Variants in CORIN observed in about 807,000 individuals in gnomAD.
CORIN encodes the protein atrial natriuretic peptide-converting enzyme.
In CORIN, 117 loss-of-function variants were observed where a neutral mutation model predicts 125.3. The observed-to-expected ratio is 0.93, with a 90% CI of 0.80 to 1.09. CORIN has a LOEUF of 1.09. Ranked by LOEUF, CORIN falls within the 50% of genes least tolerant of loss-of-function variation. The pLI, the probability that CORIN is intolerant of heterozygous loss-of-function variation, is 0.00. For synonymous variants in CORIN, 450 were observed against 466.4 expected, an observed-to-expected ratio of 0.96 and a Z score of 0.45; for missense variants, 1,253 against 1,306.7, an observed-to-expected ratio of 0.96 and a Z score of 0.63.
At chr4:47,726,489 A>G (rs1463300552) in intron 5 of CORIN, among the ~76,000 whole-genome samples, 1 of 152,114 alleles carries the variant, frequency 6.6e-6, no homozygotes, top group Non-Finnish European at 1.5e-5. Context: ...ACATTCTAGA[A>G]AAGCCAAACC....
intron 1 of CORIN, among the ~76,000 whole-genome samples, chr4:47,817,851 A>G (rs575067908): frequency 6.6e-6 from 1 of 152,286 alleles, no homozygotes; most frequent in African/African-American, 2.4e-5. Context: ...TGGATTTGTT[A>G]AACAAATAAT....
At chr4:47,789,915 G>A (rs912244782) in intron 2 of CORIN, among the ~76,000 whole-genome samples, 1 of 152,082 alleles carries the variant, frequency 6.6e-6, no homozygotes, top group Admixed American at 6.5e-5. Flanking sequence ...CCAGCTACTC[G>A]GGAGGCTGAG....
At chr4:47,681,932 T>A (rs780402225) in intron 7 of CORIN, 2 of 152,168 alleles carry the variant, frequency 1.3e-5, no homozygotes, top group Non-Finnish European at 2.9e-5. Context: ...ATATGGTACA[T>A]CTACACAATG....
intron 19 of CORIN, among the ~76,000 whole-genome samples, chr4:47,605,321 T>C (rs970840551): frequency 3.3e-5 from 5 of 152,188 alleles, no homozygotes; most frequent in African/African-American, 1.2e-4. Flanking sequence ...CACTGCTTTA[T>C]TCACAGGGCT....
chr4:47,804,930 A>C (rs1309118614), intron 2 of CORIN, among the ~76,000 whole-genome samples: 1 of 151,682 alleles, frequency 6.6e-6, no homozygotes, highest in Non-Finnish European at 1.5e-5. Context: ...CGGTCAGGAG[A>C]TCGAGACCAT....
chr4:47,766,721 G>T (rs999560760), intron 3 of CORIN, among the ~76,000 whole-genome samples: 3 of 151,968 alleles, frequency 2.0e-5, no homozygotes, highest in African/African-American at 7.3e-5. Context: ...TGAGGTGGGC[G>T]GATCACCTGA....
At chr4:47,781,194 T>C (rs1007995663) in intron 3 of CORIN, among the ~76,000 whole-genome samples, 6 of 152,168 alleles carry the variant, frequency 3.9e-5, no homozygotes, top group African/African-American at 1.2e-4. Flanking sequence ...AGACTCACTT[T>C]AGATTCAAAG....
intron 5 of CORIN, among the ~76,000 whole-genome samples, chr4:47,734,471 T>C (rs1482554610): frequency 6.6e-6 from 1 of 152,210 alleles, no homozygotes; most frequent in Non-Finnish European, 1.5e-5. Flanking sequence ...TCAGGATTCA[T>C]TTATGTAATT....
chr4:47,622,493 A>G (rs1232937425), intron 19 of CORIN, among the ~76,000 whole-genome samples: 3 of 150,672 alleles, frequency 2.0e-5, no homozygotes, highest in South Asian at 2.1e-4. Context: ...CTATTTCTCC[A>G]CATCCTCTCC....
intron 5 of CORIN, among the ~76,000 whole-genome samples, chr4:47,695,428 C>A (rs1053536820): frequency 1.3e-5 from 2 of 152,208 alleles, no homozygotes; most frequent in Non-Finnish European, 2.9e-5. Context: ...AGCTCCTAAC[C>A]TCCAGATTTT....
intron 2 of CORIN, among the ~76,000 whole-genome samples, chr4:47,793,258 C>T (rs1731155100): frequency 1.3e-5 from 2 of 152,108 alleles, no homozygotes; most frequent in African/African-American, 4.8e-5. Flanking sequence ...ATACATCAAT[C>T]CCCGAGCAGA....
At chr4:47,747,570 A>C (rs1413596536) in intron 4 of CORIN, among the ~76,000 whole-genome samples, 1 of 152,134 alleles carries the variant, frequency 6.6e-6, no homozygotes, top group Non-Finnish European at 1.5e-5. Flanking sequence ...AGAACCTTCT[A>C]GGGTAACAAA....
At position 47,732,431 on chromosome 4, in the gene CORIN, A is replaced by G. The variant is rs372361162; in HGVS notation, c.799+11971T>C. On this transcript the variant is annotated intron_variant, in intron 5 of 21. Coordinates refer to ENST00000273857, the MANE Select transcript of CORIN (RefSeq NM_006587.4). ...ACAGATACTGTCAGTTTCAAAGACTAAAGGAAGTGCATACCCCAGCTCCCT... is the reference window on the plus strand; with the variant it reads ...ACAGATACTGTCAGTTTCAAAGACTGAAGGAAGTGCATACCCCAGCTCCCT... 7.2e-5 allele frequency among the ~76,000 whole-genome samples: 11 copies of G among 152,308 alleles called. No homozygotes were observed. The East Asian group carries it at 1.5e-3, about 21-fold the overall frequency.
rs1210179557 is a variant in CORIN, at chr4:47,643,000, T to C, written c.2068+146A>G. 9 of 1,539,280 alleles carry C rather than the reference T, an allele frequency of 5.8e-6. No individual in the cohort carries two copies. The Admixed American group carries it at 1.6e-4, about 27-fold the overall frequency. On this transcript the variant is annotated intron_variant, in intron 15 of 21. Coordinates refer to ENST00000273857, the MANE Select transcript of CORIN (RefSeq NM_006587.4). ...TTCTGTGAGTTGGAAATAACACACA[T>C]AGATCAGCACTATCAGCTTTTATAA... is the stretch of plus-strand genomic sequence containing the variant.
intron 2 of CORIN, among the ~76,000 whole-genome samples, chr4:47,791,805 C>A (rs1030754433): frequency 6.6e-6 from 1 of 152,160 alleles, no homozygotes; most frequent in Admixed American, 6.5e-5. Context: ...ATGTGAAACA[C>A]ATTTACTTTG....
rs11442104 is a variant in CORIN at position 47,836,314 on chromosome 4, CA to C, written c.63+1572del. Among the ~76,000 whole-genome samples the C allele has an allele frequency of 3.2e-4, 48 of 150,778 alleles. 1 individual carries two copies. The South Asian group carries it at 3.4e-3, about 11-fold the overall frequency. On this transcript the variant is annotated intron_variant, in intron 1 of 21. Transcript: ENST00000273857. ...AAGCTAATGAATGTTTTGACTGTGA[CA>C]AAAAAAAATGGTTTAATAACTTTTT...
At chr4:47,724,546 A>T (rs1207741850) in intron 5 of CORIN, among the ~76,000 whole-genome samples, 1 of 152,146 alleles carries the variant, frequency 6.6e-6, no homozygotes, top group East Asian at 1.9e-4. Flanking sequence ...AATCTTTGGA[A>T]TTTTTTTGGA....
chr4:47,680,060 A>C lies in CORIN; in HGVS notation c.1132+81T>G, dbSNP rs570088418. 35 of 842,362 alleles carry C rather than the reference A, an allele frequency of 4.2e-5. 1 individual carries two copies. In the South Asian group the frequency reaches 5.0e-4, roughly 12 times the overall value. The allele number at this position is 842,362 out of a possible 1,614,324, so 52.2% of individuals were successfully genotyped here. On this transcript the variant is annotated intron_variant, in intron 8 of 21. Coordinates refer to ENST00000273857, the MANE Select transcript of CORIN (RefSeq NM_006587.4). Reference sequence around the variant, plus strand: ...AATGCTGTGTATATAGTGAGTCTTAAGTACAGTCCTCAACCTTGAGTACAG... The same window carrying C: ...AATGCTGTGTATATAGTGAGTCTTACGTACAGTCCTCAACCTTGAGTACAG...
chr4:47,826,554 C>T (rs140355948), intron 1 of CORIN, among the ~76,000 whole-genome samples: 20 of 152,282 alleles, frequency 1.3e-4, no homozygotes, highest in African/African-American at 4.6e-4. Context: ...ATCTTCAAAG[C>T]ACATTTCTCC....
Sources: allele counts gnomAD v4.1 joint callset (sites outside exome capture counted in the v4.1 genomes callset), GRCh38; gene constraint gnomAD v4.1.1; transcripts MANE v1.5; gene names NCBI Gene and HGNC (gene_info 2026-07-23, HGNC 2026-07-21).